MADD: variants seen among roughly 807,000 people sequenced by gnomAD.
MADD encodes the protein MAP kinase-activating death domain protein.
Under a neutral mutation model 176.7 loss-of-function variants are expected in MADD, and 109 were observed. The observed-to-expected ratio is 0.62, with a 90% CI of 0.53 to 0.72. The LOEUF (loss-of-function observed/expected upper bound fraction) is 0.72, where lower values mean the gene tolerates loss of function less well. MADD is among the 30% of genes least tolerant of loss of function. MADD has a pLI of 0.00. For synonymous variants in MADD, 771 were observed against 771.3 expected, an observed-to-expected ratio of 1.00 and a Z score of 0.01; for missense variants, 1,914 against 2,045.5, an observed-to-expected ratio of 0.94 and a Z score of 1.24.
chr11:47,301,512 G>A (rs576707678), intron 22 of MADD, among the ~76,000 whole-genome samples: 19 of 152,228 alleles, frequency 1.2e-4, no homozygotes, highest in African/African-American at 4.3e-4. Context: ...AATTCTTTGA[G>A]CTGCATCATT....
At chr11:47,270,454 A>C (rs1041592408) in intron 1 of MADD, among the ~76,000 whole-genome samples, 1 of 135,088 alleles carries the variant, frequency 7.4e-6, no homozygotes, top group Non-Finnish European at 1.6e-5. Flanking sequence ...GGCTCAGGCT[A>C]CTGGGCTTGG....
chr11:47,275,178 G>GT lies in MADD; in HGVS notation c.659+19_659+20insT. 1 of 1,587,554 alleles carries GT rather than the reference G, an allele frequency of 6.3e-7. No individual in the cohort carries two copies. Among genetic ancestry groups the GT allele is most frequent in the Non-Finnish European group, 8.6e-7 (1 of 1,164,894 alleles). ...TACAAAGGTACAGTTTGCTGCTGAT[G>GT]CCTAATGGGGGAAGCATTTAGAGAT... On this transcript the variant is annotated intron_variant, in intron 3 of 32. Coordinates refer to ENST00000402192, the Ensembl canonical transcript of MADD.
exon 24 of MADD, chr11:47,309,375 C>T (rs1403987635): frequency 6.2e-7 from 1 of 1,614,030 alleles, no homozygotes; most frequent in Admixed American, 1.7e-5. Context: ...TGGGTATGGA[C>T]CAGGGTCCCC....
rs190449772 is a variant in MADD, at chr11:47,290,123, C to T, written c.2944-26C>T. ...GTGAACACCACAGGCAATTTGCCAA[C>T]GCTAGCCCCTGGGTTATTGTTGCAG... On this transcript the variant is annotated intron_variant, in intron 17 of 32. Transcript: ENST00000402192. 4.0e-4 allele frequency: 650 copies of T among 1,612,848 alleles called. 1 individual carries two copies. In the African/African-American group the frequency reaches 7.8e-3, roughly 19 times the overall value.
At chr11:47,281,793 T>TA (rs1419986712) in intron 8 of MADD, 40 bp downstream of exon 8, 13 of 1,502,220 alleles carry the variant, frequency 8.7e-6, no homozygotes, top group Non-Finnish European at 9.9e-6. Flanking sequence ...GTTCTTAAAT[T>TA]AATTTCTTTG....
chr11:47,300,209 T>TC (rs1412646192), intron 22 of MADD, among the ~76,000 whole-genome samples: 28 of 149,106 alleles, frequency 1.9e-4, no homozygotes, highest in African/African-American at 6.6e-4. Context: ...TTTCTTTCTT[T>TC]TTTTTTTTTT....
At chr11:47,316,196 T>C (rs1279280572) in intron 27 of MADD, among the ~76,000 whole-genome samples, 2 of 152,082 alleles carry the variant, frequency 1.3e-5, no homozygotes, top group Non-Finnish European at 2.9e-5. Flanking sequence ...CATAAAGATA[T>C]CTATATATAG....
At chr11:47,295,659 A>T in intron 21 of MADD, 80 bp downstream of exon 23, 1 of 1,598,680 alleles carries the variant, frequency 6.3e-7, no homozygotes, top group Middle Eastern at 2.0e-4. Flanking sequence ...TTCTCTTTGG[A>T]GGCTGCTCTG....
exon 24 of MADD, chr11:47,309,281 G>T (rs868563468): frequency 6.2e-7 from 1 of 1,613,912 alleles, no homozygotes; most frequent in Non-Finnish European, 8.5e-7. Context: ...TTCTATGCAG[G>T]CAAAGAGCGT....
exon 28 of MADD, chr11:47,323,695 C>G: frequency 6.2e-7 from 1 of 1,613,726 alleles, no homozygotes; most frequent in Non-Finnish European, 8.5e-7. Context: ...TGTGGTGTTG[C>G]GTAGTAACAT....
At chr11:47,320,750 C>T (rs1046699962) in intron 27 of MADD, among the ~76,000 whole-genome samples, 1 of 151,822 alleles carries the variant, frequency 6.6e-6, no homozygotes, top group African/African-American at 2.4e-5. Flanking sequence ...AGGGAAACCC[C>T]GTCTCCACAA....
At chr11:47,319,915 C>T (rs1279236684) in intron 27 of MADD, among the ~76,000 whole-genome samples, 1 of 149,760 alleles carries the variant, frequency 6.7e-6, no homozygotes, top group African/African-American at 2.5e-5. Context: ...TCGCTTGAAC[C>T]CGGAGGCGGA....
intron 25 of MADD, among the ~76,000 whole-genome samples, chr11:47,311,000 T>G (rs2140971151): frequency 6.6e-6 from 1 of 152,192 alleles, no homozygotes; most frequent in Non-Finnish European, 1.5e-5. Flanking sequence ...AAAGAGCCAC[T>G]CATTAACAAA....
At chr11:47,322,803 A>G (rs1235683147) in intron 27 of MADD, among the ~76,000 whole-genome samples, 1 of 152,226 alleles carries the variant, frequency 6.6e-6, no homozygotes, top group Non-Finnish European at 1.5e-5. Flanking sequence ...TAGAAAGTGC[A>G]TCAGCTCCAT....
At chr11:47,281,643 G>A (rs770794510) in exon 8 of MADD, 1 of 1,613,608 alleles carries the variant, frequency 6.2e-7, no homozygotes, top group African/African-American at 1.3e-5. Context: ...AGGGCCAGGA[G>A]ATCCCCCTTC....
At chr11:47,289,011 C>T (rs1351794169) in intron 15 of MADD, 2 of 1,593,584 alleles carry the variant, frequency 1.3e-6, no homozygotes, top group Non-Finnish European at 1.7e-6. Flanking sequence ...CTGAAGCCGG[C>T]CCCGGGAGTG....
At chr11:47,308,151 A>G (rs983677487) in intron 22 of MADD, among the ~76,000 whole-genome samples, 12 of 152,224 alleles carry the variant, frequency 7.9e-5, no homozygotes, top group African/African-American at 2.4e-4. Flanking sequence ...AAGTAGTCCT[A>G]TGAGGTAGGT....
chr11:47,294,058 ACAGTC>A, intron 20 of MADD, 75 bp downstream of exon 22: 1 of 1,228,822 alleles, frequency 8.1e-7, no homozygotes, highest in Non-Finnish European at 1.2e-6. Context: ...TTAAAATAGA[ACAGTC>A]AGACAGCCGG....
At chr11:47,309,685 CGGGGTAGCT>C in intron 25 of MADD, 73 bp downstream of exon 28, 1 of 1,198,578 alleles carries the variant, frequency 8.3e-7, no homozygotes, top group South Asian at 1.2e-5. Flanking sequence ...GCCTAAATTT[CGGGGTAGCT>C]GGGAAGCTAT....
Sources: allele counts gnomAD v4.1 joint callset (sites outside exome capture counted in the v4.1 genomes callset), GRCh38; gene constraint gnomAD v4.1.1; transcripts MANE v1.5; gene names NCBI Gene and HGNC (gene_info 2026-07-23, HGNC 2026-07-21).